The following CWH43 variants were observed in gnomAD, a reference collection of about 807,000 sequenced individuals.
The protein encoded by CWH43 is PGAP2-interacting protein.
Under a neutral mutation model 85.7 loss-of-function variants are expected in CWH43, and 91 were observed. The observed-to-expected ratio is 1.06, with a 90% CI of 0.90 to 1.26. The LOEUF is 1.26. Among genes scored for constraint, CWH43 ranks in the 50% most tolerant of loss-of-function variants. The probability of loss-of-function intolerance (pLI) is 0.00; values close to 1 mark genes in which losing one functional copy is unlikely to be tolerated. For synonymous variants in CWH43, 323 were observed against 293.6 expected (o/e 1.10, Z -1.02); for missense variants, 869 against 839.2 (o/e 1.04, Z -0.44).
At chr4:49,032,483 C>G in intron 11 of CWH43, 83 bp from the exon 12 acceptor site, 3 of 1,511,026 alleles carry the variant, frequency 2.0e-6, no homozygotes, top group Non-Finnish European at 1.8e-6. Flanking sequence ...GGACACATCC[C>G]TTTTTAATGC....
Position 49,061,876 on chromosome 4 carries a change from A to G in CWH43, c.2086A>G (p.Lys696Glu), listed in dbSNP as rs376806787. Residue 696 changes from lysine (K) to glutamate (E), a missense_variant, in exon 16 of 16, where the codon AAA becomes GAA. Physicochemically the swap from Lys to Glu is moderately conservative, Grantham distance 56. This residue lies in a region of CWH43 where 577 missense variants were observed against 513.1 expected (regional missense o/e 1.12). Coordinates refer to ENST00000226432, the MANE Select transcript of CWH43 (RefSeq NM_025087.3). Reference sequence around the variant, plus strand: ...CCATCATTTTCATATGAATACTCCCAAATACTTTTTATGAAACATTTAAAA... The same window carrying G: ...CCATCATTTTCATATGAATACTCCCGAATACTTTTTATGAAACATTTAAAA... ...NNHHFHMNTP[K>E]YFL is the part of the protein sequence containing the mutation. 29 of 1,363,808 alleles carry G rather than the reference A, an allele frequency of 2.1e-5. No homozygotes were observed. In the African/African-American group the frequency reaches 3.7e-4, roughly 17 times the overall value. The allele number at this position is 1,363,808 out of a possible 1,614,324, so 84.5% of individuals were successfully genotyped here.
intron 8 of CWH43, among the ~76,000 whole-genome samples, chr4:49,008,954 G>A (rs1783258565): frequency 6.6e-6 from 1 of 152,164 alleles, no homozygotes; most frequent in African/African-American, 2.4e-5. Context: ...TCCTGGCTAT[G>A]TGGGCTCTTT....
chr4:49,059,789 C>G (rs1362747798), intron 15 of CWH43, among the ~76,000 whole-genome samples: 1 of 151,822 alleles, frequency 6.6e-6, no homozygotes, highest in East Asian at 2.0e-4. Flanking sequence ...GAGCCTGTGT[C>G]AATAGGGACT....
intron 15 of CWH43, 90 bp downstream of exon 15, chr4:49,050,939 ATTTT>A (rs1784774896): frequency 3.1e-6 from 3 of 969,842 alleles, no homozygotes; most frequent in Non-Finnish European, 4.5e-6. Context: ...TAGAAATTAT[ATTTT>A]GTCCTAGAGG....
rs755174263 is a variant in CWH43 at position 48,988,608 on chromosome 4, C to T, written c.175C>T (p.Pro59Ser). The T allele has an allele frequency of 1.2e-6, 2 of 1,613,244 alleles. No homozygotes were observed. Among genetic ancestry groups the T allele is most frequent in the Admixed American group, 1.7e-5 (1 of 59,974 alleles). Reference protein sequence around the residue: ...FLSPIFLTITPFWKLVNKKWM... With the variant: ...FLSPIFLTITSFWKLVNKKWM... ...TTCTCCAATATTCCTAACAATTACT[C>T]CTTTCTGGAAATTGGTTAACAAGAA... The change falls in exon 2 of 16, where the codon CCT (proline) becomes TCT (serine). Residue 59 changes from proline (P) to serine (S), a missense_variant. Coordinates refer to ENST00000226432, the MANE Select transcript of CWH43 (RefSeq NM_025087.3).
intron 12 of CWH43, among the ~76,000 whole-genome samples, chr4:49,034,433 G>A (rs1784201348): frequency 6.6e-6 from 1 of 152,110 alleles, no homozygotes; most frequent in Non-Finnish European, 1.5e-5. Flanking sequence ...GGTTTGAAAA[G>A]GAAGAGAAAG....
chr4:49,043,015 C>T (rs1414243100), intron 13 of CWH43, among the ~76,000 whole-genome samples: 1 of 152,092 alleles, frequency 6.6e-6, no homozygotes, highest in Non-Finnish European at 1.5e-5. Context: ...GGCGTCTGGG[C>T]CCTGGTGCTG....
chr4:49,026,018 G>A (rs528488091), intron 9 of CWH43, among the ~76,000 whole-genome samples: 9 of 152,314 alleles, frequency 5.9e-5, no homozygotes, highest in Admixed American at 2.0e-4. Context: ...GGGCTGGGCC[G>A]GCTGTAGCTG....
intron 15 of CWH43, among the ~76,000 whole-genome samples, chr4:49,054,801 T>C (rs1784900485): frequency 6.6e-6 from 1 of 152,090 alleles, no homozygotes; most frequent in South Asian, 2.1e-4. Context: ...TTTCAGATAG[T>C]TCATTGGTAG....
At chr4:49,007,085 T>C in intron 7 of CWH43, 116 bp from the exon 8 acceptor site, 1 of 1,166,108 alleles carries the variant, frequency 8.6e-7, no homozygotes, top group Non-Finnish European at 1.2e-6. Context: ...ATAAATTAAA[T>C]CAGTACATGA....
chr4:49,030,562 A>C (rs564848467), intron 10 of CWH43, among the ~76,000 whole-genome samples: 2 of 152,232 alleles, frequency 1.3e-5, no homozygotes, highest in Non-Finnish European at 2.9e-5. Context: ...AATTTTGGGA[A>C]TGATGTTGAG....
chr4:49,043,355 T>C (rs1485116449), intron 13 of CWH43, among the ~76,000 whole-genome samples: 3 of 152,118 alleles, frequency 2.0e-5, no homozygotes, highest in African/African-American at 4.8e-5. Flanking sequence ...TATGTAAAAA[T>C]GGCATCCTAA....
chr4:49,015,581 G>A (rs908557747), intron 8 of CWH43, among the ~76,000 whole-genome samples: 2 of 152,050 alleles, frequency 1.3e-5, no homozygotes, highest in African/African-American at 4.8e-5. Context: ...GAAGAGTCAT[G>A]TCTTTTATTA....
At chr4:49,000,625 C>T (rs1782960926) in intron 6 of CWH43, among the ~76,000 whole-genome samples, 2 of 152,112 alleles carry the variant, frequency 1.3e-5, no homozygotes, top group South Asian at 4.2e-4. Flanking sequence ...TGCCTTTTCA[C>T]ATAAAGTATA....
rs540158597 is a variant in CWH43 at position 49,051,390 on chromosome 4, G to A, written c.2021+541G>A. On this transcript the variant is annotated intron_variant, in intron 15 of 15. Transcript: ENST00000226432. ...TCTGGCTGCACATTAGATTCACCTG[G>A]ACAGCTTTTAAAAAATACCACTGCC... 3.3e-5 allele frequency among the ~76,000 whole-genome samples: 5 copies of A among 152,144 alleles called. No individual in the cohort carries two copies. In the South Asian group the frequency reaches 1.0e-3, roughly 31 times the overall value.
chr4:49,052,466 G>A (rs1021732166), intron 15 of CWH43, among the ~76,000 whole-genome samples: 3 of 152,202 alleles, frequency 2.0e-5, no homozygotes, highest in African/African-American at 7.2e-5. Flanking sequence ...AGCTGCAATA[G>A]CAACATTAGT....
At chr4:49,028,859 T>C (rs1196228854) in intron 10 of CWH43, 125 bp downstream of exon 10, 4 of 624,348 alleles carry the variant, frequency 6.4e-6, no homozygotes, top group Non-Finnish European at 1.1e-5. Flanking sequence ...CAGATGATCA[T>C]AAACTCACCT....
chr4:49,059,592 G>T (rs530965336), intron 15 of CWH43, among the ~76,000 whole-genome samples: 1 of 152,262 alleles, frequency 6.6e-6, no homozygotes, highest in Non-Finnish European at 1.5e-5. Flanking sequence ...GATTGGCTTG[G>T]CAGGGAATGC....
chr4:49,035,318 C>T (rs889716490), intron 12 of CWH43, among the ~76,000 whole-genome samples: 1 of 152,168 alleles, frequency 6.6e-6, no homozygotes, highest in African/African-American at 2.4e-5. Context: ...ACTGACTGCA[C>T]AAATATGTCT....
Sources: allele counts gnomAD v4.1 joint callset (sites outside exome capture counted in the v4.1 genomes callset), GRCh38; gene constraint gnomAD v4.1.1; regional missense constraint gnomAD v4.1.1; transcripts MANE v1.5; gene names NCBI Gene and HGNC (gene_info 2026-07-23, HGNC 2026-07-21).